Variants in FMN2 observed in about 807,000 individuals in gnomAD.
The protein encoded by FMN2 is formin-2.
FMN2 carries 51 observed loss-of-function variants against 142.3 expected under a neutral mutation model. The observed-to-expected ratio is 0.36, with a 90% CI of 0.29 to 0.45. FMN2 has a LOEUF of 0.45. FMN2 is among the 20% of genes least tolerant of loss of function. FMN2 has a pLI of 1.00. For synonymous variants in FMN2, 882 were observed against 869.8 expected, an observed-to-expected ratio of 1.01 and a Z score of -0.25; for missense variants, 1,936 against 2,122.8, an observed-to-expected ratio of 0.91 and a Z score of 1.73.
chr1:240,375,821 A>C (rs1673023295), intron 14 of FMN2, among the ~76,000 whole-genome samples: 1 of 152,128 alleles, frequency 6.6e-6, no homozygotes, highest in African/African-American at 2.4e-5. Context: ...AGTGTTGTTT[A>C]ATATGTCTTT....
chr1:240,416,909 T>A (rs1674596972), intron 15 of FMN2, among the ~76,000 whole-genome samples: 1 of 152,080 alleles, frequency 6.6e-6, no homozygotes, highest in Admixed American at 6.6e-5. Flanking sequence ...TTTAAAATCA[T>A]ATACTCAGAG....
At chr1:240,326,798 T>C (rs1671187544) in intron 8 of FMN2, among the ~76,000 whole-genome samples, 2 of 152,148 alleles carry the variant, frequency 1.3e-5, no homozygotes, top group Admixed American at 1.3e-4. Context: ...GTAGAAACTC[T>C]TTCCTTTAAG....
chr1:240,227,494 A>G (rs1348087746), intron 6 of FMN2, among the ~76,000 whole-genome samples: 1 of 152,218 alleles, frequency 6.6e-6, no homozygotes, highest in East Asian at 1.9e-4. Flanking sequence ...ATCTCAGAAT[A>G]GCCAAAACAA....
chr1:240,093,686 C>T lies in FMN2; in HGVS notation c.1577C>T (p.Ala526Val), dbSNP rs779287443. The T allele has an allele frequency of 9.5e-6, 13 of 1,366,496 alleles. No homozygotes were observed. The highest frequency in any genetic ancestry group is 1.2e-5 in the Non-Finnish European group (13 of 1,066,342). The allele number at this position is 1,366,496 out of a possible 1,614,324, so 84.6% of individuals were successfully genotyped here. ...GCACTGGCCGCCAAGGCGTCTGGGG[C>T]CCCCGCGGCTGCGGATGGCTTCCAG... ...SPALAAKASG[A>V]PAAADGFQNV... Residue 526 changes from alanine to valine, a missense_variant, in exon 1 of 18, where the codon GCC becomes GTC. This residue lies in a region of FMN2 where 751 missense variants were observed against 791.8 expected (regional missense o/e 0.95). Transcript: ENST00000319653.
At chr1:240,290,729 G>A (rs573115164) in intron 7 of FMN2, among the ~76,000 whole-genome samples, 52 of 149,434 alleles carry the variant, frequency 3.5e-4, no homozygotes, top group African/African-American at 1.2e-3. Flanking sequence ...TGATAAAATC[G>A]TAGACAAGAA....
At chr1:240,169,447 T>TTTG (rs1664614523) in intron 2 of FMN2, among the ~76,000 whole-genome samples, 1 of 151,876 alleles carries the variant, frequency 6.6e-6, no homozygotes, top group Non-Finnish European at 1.5e-5. Context: ...GGATAGATTT[T>TTTG]ATTTGATTTG....
intron 15 of FMN2, among the ~76,000 whole-genome samples, chr1:240,429,480 A>G (rs778665750): frequency 5.1e-4 from 78 of 151,942 alleles, no homozygotes; most frequent in Non-Finnish European, 9.4e-4. Flanking sequence ...TTGAGGCGTA[A>G]TTTGTAAACA....
intron 3 of FMN2, among the ~76,000 whole-genome samples, chr1:240,183,010 G>GAGC (rs2103333600): frequency 6.6e-6 from 1 of 151,136 alleles, no homozygotes; most frequent in African/African-American, 2.4e-5. Context: ...TTCGTCACCC[G>GAGC]AGCTCAAGTG....
chr1:240,438,423 G>T (rs1010437060), intron 16 of FMN2, among the ~76,000 whole-genome samples: 5 of 152,112 alleles, frequency 3.3e-5, no homozygotes, highest in Non-Finnish European at 5.9e-5. Context: ...AGTAACTAGG[G>T]TGCTGGCTTG....
At chr1:240,303,537 G>C (rs565025200) in intron 8 of FMN2, among the ~76,000 whole-genome samples, 1 of 152,256 alleles carries the variant, frequency 6.6e-6, no homozygotes, top group Admixed American at 6.5e-5. Flanking sequence ...GATTCTTATT[G>C]AGCATTTCTT....
At chr1:240,142,771 CCAA>C in intron 2 of FMN2, 1 of 1,596,466 alleles carries the variant, frequency 6.3e-7, no homozygotes, top group East Asian at 2.2e-5. Context: ...TCCCCGTGGG[CCAA>C]CGACACTGGG....
At chr1:240,168,628 C>T (rs1038608424) in intron 2 of FMN2, among the ~76,000 whole-genome samples, 20 of 151,896 alleles carry the variant, frequency 1.3e-4, no homozygotes, top group African/African-American at 4.4e-4. Context: ...TGTTATTTCC[C>T]CAATAGTAAT....
chr1:240,126,743 GT>G, intron 2 of FMN2, among the ~76,000 whole-genome samples: 1 of 152,268 alleles, frequency 6.6e-6, no homozygotes, highest in East Asian at 1.9e-4. Context: ...GCCAGGCAGT[GT>G]TTTAGGCTCT....
chr1:240,278,480 T>C (rs34659827), intron 7 of FMN2, among the ~76,000 whole-genome samples: 19,192 of 152,066 alleles, frequency 0.13, 1,225 homozygotes, highest in African/African-American at 0.15. Context: ...GGGGGAGAGG[T>C]TGAGTTTTCC....
At chr1:240,422,477 G>T (rs1215683607) in intron 15 of FMN2, among the ~76,000 whole-genome samples, 1 of 151,888 alleles carries the variant, frequency 6.6e-6, no homozygotes, top group Admixed American at 6.6e-5. Flanking sequence ...ATTTTGTTAG[G>T]TTTATACCTT....
intron 1 of FMN2, among the ~76,000 whole-genome samples, chr1:240,114,985 C>G (rs1057082951): frequency 1.3e-5 from 2 of 152,108 alleles, no homozygotes; most frequent in African/African-American, 4.8e-5. Context: ...CACATTTTGG[C>G]TGGAATTTTT....
At chr1:240,395,592 A>G (rs1159810984) in intron 15 of FMN2, among the ~76,000 whole-genome samples, 1 of 152,218 alleles carries the variant, frequency 6.6e-6, no homozygotes, top group Non-Finnish European at 1.5e-5. Flanking sequence ...TAACCCTCAC[A>G]GATGGTTTTG....
intron 6 of FMN2, among the ~76,000 whole-genome samples, chr1:240,228,176 G>A (rs1021811876): frequency 5.3e-5 from 8 of 151,338 alleles, no homozygotes; most frequent in African/African-American, 7.3e-5. Flanking sequence ...GGTGGCACAT[G>A]CCTATAATCC....
chr1:240,103,030 G>A (rs962973866), intron 1 of FMN2, among the ~76,000 whole-genome samples: 8 of 151,812 alleles, frequency 5.3e-5, no homozygotes, highest in Non-Finnish European at 1.0e-4. Flanking sequence ...ACACCCGGCC[G>A]ATTTTTGCAT....
Sources: allele counts gnomAD v4.1 joint callset (sites outside exome capture counted in the v4.1 genomes callset), GRCh38; gene constraint gnomAD v4.1.1; regional missense constraint gnomAD v4.1.1; transcripts MANE v1.5; gene names NCBI Gene and HGNC (gene_info 2026-07-23, HGNC 2026-07-21).